The following HPSE2 variants were observed in gnomAD, a reference collection of about 807,000 sequenced individuals.
The protein encoded by HPSE2 is inactive heparanase-2.
HPSE2 carries 38 observed loss-of-function variants against 60.5 expected under a neutral mutation model. The observed-to-expected ratio is 0.63, with a 90% CI of 0.48 to 0.82. HPSE2 has a LOEUF of 0.82. Ranked by LOEUF, HPSE2 falls within the 40% of genes least tolerant of loss-of-function variation. The pLI is 0.00. For missense variants in HPSE2, 713 were observed against 740.4 expected, an observed-to-expected ratio of 0.96 and a Z score of 0.43; for synonymous variants, 295 against 293.2, an observed-to-expected ratio of 1.01 and a Z score of -0.06.
chr10:98,882,777 T>C (rs1202659312), intron 3 of HPSE2, among the ~76,000 whole-genome samples: 4 of 152,074 alleles, frequency 2.6e-5, no homozygotes, highest in African/African-American at 9.7e-5. Flanking sequence ...TTCAGAACAA[T>C]GACTGTCTAA....
intron 3 of HPSE2, among the ~76,000 whole-genome samples, chr10:99,119,171 G>A (rs1476093296): frequency 1.3e-5 from 2 of 151,822 alleles, no homozygotes; most frequent in Non-Finnish European, 2.9e-5. Flanking sequence ...CCTGTTTACA[G>A]TTGACATGAT....
Position 99,064,465 on chromosome 10 carries a change from T to C in HPSE2, c.610+79773A>G, listed in dbSNP as rs7904964. 1.8e-3 allele frequency among the ~76,000 whole-genome samples: 274 copies of C among 152,232 alleles called. 2 individuals carry two copies. Among genetic ancestry groups the C allele is most frequent in the African/African-American group, 6.4e-3 (266 of 41,554 alleles). On this transcript the variant is annotated intron_variant, in intron 3 of 11. Transcript: ENST00000370552. ...CTTGATAGGGATTTTGGAAGCAAAC[T>C]AATAAAAGACTTGGCGCAGTTGCTT...
chr10:99,132,218 AGAGAGAG>A (rs1845455202), intron 3 of HPSE2, among the ~76,000 whole-genome samples: 4 of 37,046 alleles, frequency 1.1e-4, no homozygotes, highest in Admixed American at 3.1e-4. Flanking sequence ...AGAGAGAGAG[AGAGAGAG>A]AGAGAGAGAG....
chr10:98,720,602 G>T (rs1948898833), intron 5 of HPSE2, among the ~76,000 whole-genome samples: 1 of 152,040 alleles, frequency 6.6e-6, no homozygotes, highest in South Asian at 2.1e-4. Flanking sequence ...CTTTGACCAA[G>T]AAACCCTACT....
At chr10:99,178,774 C>T (rs538634081) in intron 2 of HPSE2, among the ~76,000 whole-genome samples, 1 of 152,260 alleles carries the variant, frequency 6.6e-6, no homozygotes, top group East Asian at 1.9e-4. Context: ...TTTTATGAGC[C>T]CAACATCATT....
At chr10:98,869,519 G>T (rs766930386) in intron 3 of HPSE2, among the ~76,000 whole-genome samples, 11 of 152,018 alleles carry the variant, frequency 7.2e-5, no homozygotes, top group African/African-American at 2.2e-4. Context: ...TATGAACAAA[G>T]TCTATTTCAT....
the HPSE2 span, among the ~76,000 whole-genome samples, chr10:99,265,969 A>C: frequency 1.3e-5 from 2 of 152,206 alleles, no homozygotes; most frequent in Non-Finnish European, 2.9e-5. Context: ...CAGCAAGAAG[A>C]GCCTGTGGGC....
chr10:99,165,517 T>C (rs1208299596), intron 2 of HPSE2, among the ~76,000 whole-genome samples: 2 of 143,444 alleles, frequency 1.4e-5, no homozygotes, highest in Admixed American at 7.4e-5. Flanking sequence ...TTTGTTCTGT[T>C]CATTTATTTA....
chr10:99,240,529 G>C (rs1007534334), upstream of HPSE2, among the ~76,000 whole-genome samples: 1 of 150,812 alleles, frequency 6.6e-6, no homozygotes, highest in Non-Finnish European at 1.5e-5. Context: ...TCCTGCCTCA[G>C]CCTCCCAAGT....
intron 9 of HPSE2, among the ~76,000 whole-genome samples, chr10:98,564,976 T>G (rs1223101007): frequency 6.6e-6 from 1 of 152,114 alleles, no homozygotes; most frequent in Non-Finnish European, 1.5e-5. Flanking sequence ...TCATCCTGTA[T>G]AGTCATTTGT....
intron 3 of HPSE2, among the ~76,000 whole-genome samples, chr10:99,039,380 C>A (rs1452159075): frequency 6.6e-6 from 1 of 151,952 alleles, no homozygotes; most frequent in Non-Finnish European, 1.5e-5. Context: ...CCATGCCAAG[C>A]CTCTTTTTAA....
intron 6 of HPSE2, among the ~76,000 whole-genome samples, chr10:98,688,310 G>C (rs1381717013): frequency 6.6e-6 from 1 of 151,384 alleles, no homozygotes; most frequent in African/African-American, 2.4e-5. Context: ...TTATATTTTT[G>C]CATGAATCAT....
chr10:98,515,167 T>C (rs995327792), intron 9 of HPSE2, among the ~76,000 whole-genome samples: 3 of 152,252 alleles, frequency 2.0e-5, no homozygotes, highest in South Asian at 2.1e-4. Context: ...ATTTATTCCA[T>C]GGAGTGGAAC....
intron 7 of HPSE2, among the ~76,000 whole-genome samples, chr10:98,623,558 C>G (rs1946127871): frequency 6.6e-6 from 1 of 152,052 alleles, no homozygotes; most frequent in Non-Finnish European, 1.5e-5. Flanking sequence ...GAGGTATAGT[C>G]TAAGTAGGCA....
chr10:98,764,709 T>C (rs543007763), intron 3 of HPSE2, among the ~76,000 whole-genome samples: 1 of 151,762 alleles, frequency 6.6e-6, no homozygotes, highest in South Asian at 2.1e-4. Context: ...ACACAAAAAT[T>C]AGCCGGGTGT....
intron 3 of HPSE2, among the ~76,000 whole-genome samples, chr10:98,885,102 GT>G (rs1483599350): frequency 1.3e-5 from 2 of 152,162 alleles, no homozygotes; most frequent in African/African-American, 2.4e-5. Flanking sequence ...ATTAACAGGA[GT>G]TTAGAAGAAA....
chr10:98,543,950 G>A (rs1278554415), intron 9 of HPSE2, among the ~76,000 whole-genome samples: 11 of 149,950 alleles, frequency 7.3e-5, no homozygotes, highest in African/African-American at 2.4e-4. Context: ...GGATACCCAG[G>A]AATTGAACTC....
chr10:98,618,478 C>T (rs1412186825), intron 8 of HPSE2, among the ~76,000 whole-genome samples: 2 of 152,134 alleles, frequency 1.3e-5, no homozygotes, highest in African/African-American at 4.8e-5. Flanking sequence ...CATTCCTCTG[C>T]TGATTCCAAG....
chr10:99,209,722 C>T lies in HPSE2; in HGVS notation c.448+22626G>A, dbSNP rs554897422. Among the ~76,000 whole-genome samples, 8 of 152,330 alleles carry T rather than the reference C, an allele frequency of 5.3e-5. No homozygotes were observed. In the South Asian group the frequency reaches 1.0e-3, roughly 20 times the overall value. On this transcript the variant is annotated intron_variant, in intron 2 of 11. Coordinates refer to ENST00000370552, the MANE Select transcript of HPSE2 (RefSeq NM_021828.5). ...TTGTTTGTTTTGAGATGGAGTCTCG[C>T]TCTGTCACCCAGGCTGGAGTGCAGT...
Sources: gnomAD v4.1 joint callset for allele counts (sites outside exome capture counted in the v4.1 genomes callset) on GRCh38, gnomAD v4.1.1 for gene constraint, MANE v1.5 for transcripts, NCBI Gene and HGNC (gene_info 2026-07-23, HGNC 2026-07-21) for gene names.